NCKAP5: variants seen among roughly 807,000 people sequenced by gnomAD.
The protein encoded by NCKAP5 is nck-associated protein 5.
In NCKAP5, 92 loss-of-function variants were observed where a neutral mutation model predicts 167.0. The ratio of observed to expected loss-of-function variants is 0.55; its 90% CI spans 0.47 to 0.66. The LOEUF (loss-of-function observed/expected upper bound fraction) is 0.66. NCKAP5 is among the 30% of genes least tolerant of loss of function. The pLI, the probability that NCKAP5 is intolerant of heterozygous loss-of-function variation, is 0.00. For synonymous variants in NCKAP5, 891 were observed against 877.4 expected (o/e 1.02, Z -0.27); for missense variants, 2,378 against 2,315.0 (o/e 1.03, Z -0.56).
the NCKAP5 span, among the ~76,000 whole-genome samples, chr2:133,597,673 C>CAAAAAAAAAAAAAAAAAAAAAAA: frequency 3.3e-5 from 2 of 61,122 alleles, no homozygotes; most frequent in African/African-American, 1.3e-4. Flanking sequence ...GACTCTGTCT[C>CAAAAAAAAAAAAAAAAAAAAAAA]AAAAAAAAAA....
intron 5 of NCKAP5, among the ~76,000 whole-genome samples, chr2:133,158,652 G>T (rs1481158970): frequency 6.6e-6 from 1 of 152,076 alleles, no homozygotes; most frequent in Non-Finnish European, 1.5e-5. Flanking sequence ...TCATTTATAT[G>T]TTATCTCCAC....
intron 11 of NCKAP5, among the ~76,000 whole-genome samples, chr2:132,828,058 T>A (rs1446484950): frequency 6.6e-6 from 1 of 152,146 alleles, no homozygotes; most frequent in South Asian, 2.1e-4. Flanking sequence ...AGAGAGATTA[T>A]TTCCTTATTG....
intron 5 of NCKAP5, among the ~76,000 whole-genome samples, chr2:133,186,355 G>C (rs1204188680): frequency 6.6e-6 from 1 of 152,072 alleles, no homozygotes; most frequent in Non-Finnish European, 1.5e-5. Context: ...AATTTGGTTT[G>C]TTAATATTTT....
intron 19 of NCKAP5, among the ~76,000 whole-genome samples, chr2:132,719,037 G>T (rs1482041317): frequency 1.3e-5 from 2 of 152,128 alleles, no homozygotes; most frequent in East Asian, 3.9e-4. Flanking sequence ...ATGAAGCAGG[G>T]GTTAAATGAA....
chr2:132,925,746 G>T (rs996188603), intron 8 of NCKAP5, among the ~76,000 whole-genome samples: 3 of 151,998 alleles, frequency 2.0e-5, no homozygotes, highest in Non-Finnish European at 4.4e-5. Flanking sequence ...CCCTGTTTTG[G>T]GGGATAGTTA....
chr2:133,309,086 A>G (rs1361586575), intron 3 of NCKAP5, among the ~76,000 whole-genome samples: 1 of 152,158 alleles, frequency 6.6e-6, no homozygotes, highest in African/African-American at 2.4e-5. Flanking sequence ...TGAAAGAAGG[A>G]TAAAAAAACT....
At chr2:132,947,224 GAA>G (rs1283698043) in intron 8 of NCKAP5, among the ~76,000 whole-genome samples, 1 of 152,074 alleles carries the variant, frequency 6.6e-6, no homozygotes, top group African/African-American at 2.4e-5. Flanking sequence ...AAAATTTTTT[GAA>G]AAGTTTTTAT....
rs528538591 is a variant in NCKAP5 at position 133,465,037 on chromosome 2, T to C, written c.69+52421A>G. Reference sequence around the variant, plus strand: ...TTTTTTATTATTATACTTTAAGTTTTAGGGTACATGTGCACATTGTGCAGG... The same window carrying C: ...TTTTTTATTATTATACTTTAAGTTTCAGGGTACATGTGCACATTGTGCAGG... On this transcript the variant is annotated intron_variant, in intron 3 of 19. Transcript: ENST00000409261. 1.3e-4 allele frequency among the ~76,000 whole-genome samples: 20 copies of C among 152,148 alleles called. No individual in the cohort carries two copies. In the South Asian group the frequency reaches 4.2e-3, roughly 32 times the overall value.
intron 11 of NCKAP5, among the ~76,000 whole-genome samples, chr2:132,850,953 C>A (rs942499243): frequency 4.6e-5 from 7 of 152,000 alleles, no homozygotes; most frequent in Non-Finnish European, 1.0e-4. Flanking sequence ...ACATACAGGG[C>A]AATGTCCGTC....
In NCKAP5 at chr2:132,986,661, G is replaced by C. The variant is rs143745573; in HGVS notation, c.429+7491C>G. Among the ~76,000 whole-genome samples the C allele has an allele frequency of 5.4e-4, 82 of 152,188 alleles. 1 individual carries two copies. In the East Asian group the frequency reaches 0.015, roughly 28 times the overall value. Reference sequence around the variant, plus strand: ...ATACTAAAGATATTGCTATTTAAAGGAGATTTCTTTTAAAAAAGATATCTT... The same window carrying C: ...ATACTAAAGATATTGCTATTTAAAGCAGATTTCTTTTAAAAAAGATATCTT... On this transcript the variant is annotated intron_variant, in intron 7 of 19. Coordinates refer to ENST00000409261, the MANE Select transcript of NCKAP5 (RefSeq NM_207363.3).
At chr2:133,084,627 G>A (rs2080922835) in intron 6 of NCKAP5, among the ~76,000 whole-genome samples, 1 of 152,092 alleles carries the variant, frequency 6.6e-6, no homozygotes. Flanking sequence ...AATGGTATAA[G>A]CTTCTGAGCT....
At chr2:132,992,543 T>C (rs1314839414) in intron 7 of NCKAP5, among the ~76,000 whole-genome samples, 1 of 152,228 alleles carries the variant, frequency 6.6e-6, no homozygotes, top group Admixed American at 6.5e-5. Context: ...AATAATTTAC[T>C]TCACAGATTC....
chr2:133,164,394 C>T (rs187614506), intron 5 of NCKAP5, among the ~76,000 whole-genome samples: 3 of 152,290 alleles, frequency 2.0e-5, no homozygotes, highest in Non-Finnish European at 4.4e-5. Flanking sequence ...TTGACTCTTT[C>T]TAGCTGTGGG....
intron 3 of NCKAP5, among the ~76,000 whole-genome samples, chr2:133,479,019 G>C (rs1262665527): frequency 6.6e-6 from 1 of 152,034 alleles, no homozygotes; most frequent in Non-Finnish European, 1.5e-5. Flanking sequence ...CCTTTAATTT[G>C]GTTATTAAAA....
intron 8 of NCKAP5, among the ~76,000 whole-genome samples, chr2:132,885,358 T>G (rs1692133619): frequency 6.6e-6 from 1 of 152,218 alleles, no homozygotes; most frequent in African/African-American, 2.4e-5. Context: ...AATACAGGTC[T>G]TTTTCTACTT....
chr2:133,337,277 G>A (rs2150749946), intron 3 of NCKAP5, among the ~76,000 whole-genome samples: 1 of 152,280 alleles, frequency 6.6e-6, no homozygotes, highest in Non-Finnish European at 1.5e-5. Flanking sequence ...TTCTGGCCTT[G>A]GAGTCCTCGT....
rs558599021 is a variant in NCKAP5 at position 132,795,404 on chromosome 2, C to T, written c.909+1224G>A. ...GGAAAAATACAACCTGTCTTCTGCA[C>T]TATCCAAAGTATATTTTCCTCATTG... On this transcript the variant is annotated intron_variant, in intron 12 of 19. Coordinates refer to ENST00000409261, the MANE Select transcript of NCKAP5 (RefSeq NM_207363.3). Among the ~76,000 whole-genome samples the T allele has an allele frequency of 5.3e-5, 8 of 152,356 alleles. No homozygotes were observed. The South Asian group carries it at 1.2e-3, about 24-fold the overall frequency.
At chr2:133,006,263 A>G (rs1374228557) in intron 6 of NCKAP5, among the ~76,000 whole-genome samples, 2 of 152,206 alleles carry the variant, frequency 1.3e-5, no homozygotes, top group Admixed American at 1.3e-4. Context: ...TGTCTCAAAG[A>G]AAAAGAAAAA....
chr2:132,722,124 G>A (rs545326095), intron 19 of NCKAP5, among the ~76,000 whole-genome samples: 2 of 152,178 alleles, frequency 1.3e-5, no homozygotes, highest in African/African-American at 4.8e-5. Context: ...ACCTAATGCG[G>A]ATTCTTGATT....
Sources: gnomAD v4.1 joint callset for allele counts (sites outside exome capture counted in the v4.1 genomes callset) on GRCh38, gnomAD v4.1.1 for gene constraint, MANE v1.5 for transcripts, NCBI Gene and HGNC (gene_info 2026-07-23, HGNC 2026-07-21) for gene names.